The following DHX38 variants were observed in gnomAD, a reference collection of about 807,000 sequenced individuals.
DHX38 encodes DEAH-box helicase 38, also known as pre-mRNA-splicing factor ATP-dependent RNA helicase PRP16.
A neutral mutation model predicts 153.1 loss-of-function variants in DHX38; 100 were observed. That is an observed-to-expected ratio of 0.65 (90% CI 0.56 to 0.77). The LOEUF (loss-of-function observed/expected upper bound fraction) is 0.77, where lower values mean the gene tolerates loss of function less well. DHX38 is among the 30% of genes least tolerant of loss of function. The pLI is 0.00. For missense variants in DHX38, 1,440 were observed against 1,654.0 expected, an observed-to-expected ratio of 0.87 and a Z score of 2.24; for synonymous variants, 650 against 631.7, an observed-to-expected ratio of 1.03 and a Z score of -0.43.
At chr16:72,102,871 G>A (rs1194880250) in intron 11 of DHX38, among the ~76,000 whole-genome samples, 1 of 152,222 alleles carries the variant, frequency 6.6e-6, no homozygotes, top group Non-Finnish European at 1.5e-5. Context: ...CTGTGGTGTC[G>A]AGTGTGTTGT....
At chr16:72,102,941 T>C (rs1835528678) in intron 11 of DHX38, 133 bp from the exon 12 acceptor site, 3 of 1,285,954 alleles carry the variant, frequency 2.3e-6, no homozygotes, top group Admixed American at 4.4e-5. Context: ...CATCTCAGAT[T>C]CCCTGGCTGC....
At chr16:72,096,656 C>T (rs1274485105) in intron 2 of DHX38, among the ~76,000 whole-genome samples, 166 bp from the exon 3 acceptor site, 3 of 152,146 alleles carry the variant, frequency 2.0e-5, no homozygotes, top group Non-Finnish European at 2.9e-5. Flanking sequence ...TGAATAAAGA[C>T]GAGATGGTAG....
At position 72,112,717 on chromosome 16, in the gene DHX38, C is replaced by T. The variant is rs555107974; in HGVS notation, c.*220C>T. On this transcript the variant is annotated 3_prime_UTR_variant, in exon 27 of 27. Coordinates refer to ENST00000268482, the MANE Select transcript of DHX38 (RefSeq NM_014003.4). ...GGCGGGAGCGGGGCTGCAGAGTATC[C>T]GAGGTGCTGCCGGGGCAGCGGGAGG... is the stretch of plus-strand genomic sequence containing the variant. 7.8e-4 allele frequency: 551 copies of T among 708,666 alleles called. No homozygotes were observed. Among genetic ancestry groups the T allele is most frequent in the Admixed American group, 1.3e-3 (65 of 50,012 alleles). The allele number at this position is 708,666 out of a possible 1,614,324, so 43.9% of individuals were successfully genotyped here.
At chr16:72,101,651 A>C in intron 11 of DHX38, 39 bp downstream of exon 11, 4 of 1,527,720 alleles carry the variant, frequency 2.6e-6, no homozygotes, top group Non-Finnish European at 3.6e-6. Flanking sequence ...GCCTTGCTCC[A>C]AAGATGGGGG....
rs1045712553 is a variant in DHX38 at position 72,109,309 on chromosome 16, A to T, written c.3382-106A>T. Reference sequence around the variant, plus strand: ...TTTCCTTTCCTTTTTTCAGCCTTGCAGGGCCAGGGATTGGGCCCTTCCCAT... The same window carrying T: ...TTTCCTTTCCTTTTTTCAGCCTTGCTGGGCCAGGGATTGGGCCCTTCCCAT... On this transcript the variant is annotated intron_variant, in intron 24 of 26. Transcript: ENST00000268482. 6.4e-6 allele frequency: 8 copies of T among 1,258,914 alleles called. No homozygotes were observed. The Admixed American group carries it at 2.0e-4, about 31-fold the overall frequency. 78.0% of individuals were successfully genotyped at this position (1,258,914 alleles called of 1,614,324 possible). A position where few individuals can be genotyped will look rare whatever the true frequency, so the allele number is the denominator to read the frequency against.
At position 72,108,805 on chromosome 16, in the gene DHX38, C is replaced by A; in HGVS notation, c.3261C>A (p.Ile1087=). ...YFHQAAKLKG[I]GEYVNIRTGM... ...CTGTTGTGTCTCCTCCCTAGGGAATCGGGGAGTACGTGAACATCCGCACAG... is the reference window on the plus strand; with the variant it reads ...CTGTTGTGTCTCCTCCCTAGGGAATAGGGGAGTACGTGAACATCCGCACAG... The change falls in exon 24 of 27, where the codon ATC becomes ATA. Residue 1087 remains isoleucine (I), a synonymous_variant. Coordinates refer to ENST00000268482, the MANE Select transcript of DHX38 (RefSeq NM_014003.4). 4 of 1,612,670 alleles carry A rather than the reference C, an allele frequency of 2.5e-6. No individual in the cohort carries two copies. The highest frequency in any genetic ancestry group is 3.4e-6 in the Non-Finnish European group (4 of 1,179,442).
chr16:72,098,950 A>G lies in DHX38; in HGVS notation c.788A>G (p.Asp263Gly). 1 of 1,614,150 alleles carries G rather than the reference A, an allele frequency of 6.2e-7. No homozygotes were observed. Among genetic ancestry groups the G allele is most frequent in the Non-Finnish European group, 8.5e-7 (1 of 1,180,046 alleles). The change falls in exon 6 of 27, where the codon GAT (aspartate) becomes GGT (glycine). Residue 263 changes from aspartate (D) to glycine (G), a missense_variant. By Grantham distance (94) the Asp-to-Gly change is moderately conservative. Transcript: ENST00000268482. ...AGGTCTGTGAGGGGCAAGTACTCGG[A>G]TGACACGCCTCTGCCAACTCCCTCC... ...RDRSVRGKYS[D>G]DTPLPTPSYK...
At position 72,099,090 on chromosome 16, in the gene DHX38, C is replaced by G. The variant is rs750236128; in HGVS notation, c.883+45C>G. 11 of 1,609,362 alleles carry G rather than the reference C, an allele frequency of 6.8e-6. No homozygotes were observed. In the Admixed American group the frequency reaches 1.7e-4, roughly 24 times the overall value. On this transcript the variant is annotated intron_variant, in intron 6 of 26. Coordinates refer to ENST00000268482, the MANE Select transcript of DHX38 (RefSeq NM_014003.4). Reference sequence around the variant, plus strand: ...AGGCAGAAGAGCAGGCTTGCTTGCCCTAGCGAGGATGAGCAGGGGCTGCCC... The same window carrying G: ...AGGCAGAAGAGCAGGCTTGCTTGCCGTAGCGAGGATGAGCAGGGGCTGCCC...
intron 3 of DHX38, 171 bp from the exon 4 acceptor site, chr16:72,097,506 T>C (rs1597438606): frequency 1.7e-6 from 1 of 583,876 alleles, no homozygotes. Flanking sequence ...AGTAACTATT[T>C]TTCCCCCTTG....
intron 1 of DHX38, among the ~76,000 whole-genome samples, chr16:72,095,180 G>A (rs748166388): frequency 6.6e-6 from 1 of 152,240 alleles, no homozygotes; most frequent in Non-Finnish European, 1.5e-5. Flanking sequence ...GATATATGTT[G>A]ATGAGTGGCA....
chr16:72,108,894 T>C lies in DHX38; in HGVS notation c.3350T>C (p.Ile1117Thr), dbSNP rs777611548. The change falls in exon 24 of 27, where the codon ATA (isoleucine) becomes ACA (threonine). Residue 1117 changes from isoleucine to threonine, a missense_variant. Physicochemically the swap from Ile to Thr is moderately conservative, Grantham distance 89 (BLOSUM62 -1). Around this residue, in one of 6 missense-constraint regions of DHX38, gnomAD observed 543 missense variants for 717.9 expected, o/e 0.76. Transcript: ENST00000268482. ...LFGMGYTPDY[I>T]VYHELVMTTK... ...GGAATGGGCTACACCCCAGATTACA[T>C]AGTGTATCACGAGTTGGTCATGACC... 1 of 1,612,934 alleles carries C rather than the reference T, an allele frequency of 6.2e-7. No homozygotes were observed. The highest frequency in any genetic ancestry group is 1.1e-5 in the South Asian group (1 of 90,854).
chr16:72,101,007 C>G (rs763085032), intron 9 of DHX38, 79 bp from the exon 10 acceptor site: 406 of 1,397,984 alleles, frequency 2.9e-4, no homozygotes, highest in Non-Finnish European at 3.8e-4. Flanking sequence ...GTAGCAGTCC[C>G]TTTCACAAGT....
rs982255814 is a variant in DHX38, at chr16:72,094,019, G to A, written c.-52G>A. 9 of 152,534 alleles carry A rather than the reference G, an allele frequency of 5.9e-5. No individual in the cohort carries two copies. The highest frequency in any genetic ancestry group is 5.2e-4 in the Admixed American group (8 of 15,286). The allele number at this position is 152,534 out of a possible 1,614,324, so 9.4% of individuals were successfully genotyped here. ...GCAGCGCCGGCGCCCCAGAATCCGGGACAGAAGGGTCCCAAGAGTCGCGCT... is the reference window on the plus strand; with the variant it reads ...GCAGCGCCGGCGCCCCAGAATCCGGAACAGAAGGGTCCCAAGAGTCGCGCT... On this transcript the variant is annotated 5_prime_UTR_variant, in exon 1 of 27. Coordinates refer to ENST00000268482, the MANE Select transcript of DHX38 (RefSeq NM_014003.4).
At chr16:72,101,702 C>A in intron 11 of DHX38, 90 bp downstream of exon 11, 1 of 1,026,888 alleles carries the variant, frequency 9.7e-7, no homozygotes, top group Non-Finnish European at 1.5e-6. Context: ...GACTTTGTGG[C>A]TCCTGAGTGG....
intron 12 of DHX38, 144 bp from the exon 13 acceptor site, chr16:72,103,458 T>C (rs912940059): frequency 2.0e-6 from 2 of 1,004,938 alleles, no homozygotes; most frequent in East Asian, 2.6e-5. Context: ...TAAGAGGCTG[T>C]TGTCCCAGTG....
chr16:72,109,169 G>A (rs950056479), intron 24 of DHX38, among the ~76,000 whole-genome samples: 1 of 152,216 alleles, frequency 6.6e-6, no homozygotes, highest in Non-Finnish European at 1.5e-5. Flanking sequence ...TGCTTGGGAT[G>A]AGCAACCCCT....
intron 25 of DHX38, 43 bp downstream of exon 25, chr16:72,109,553 G>A (rs1384196960): frequency 8.9e-6 from 14 of 1,575,060 alleles, no homozygotes; most frequent in Non-Finnish European, 1.1e-5. Flanking sequence ...TTTGCCTGTG[G>A]GGTCGGTGTT....
Position 72,107,450 on chromosome 16 carries a change from A to G in DHX38, c.2711A>G (p.Gln904Arg). The change falls in exon 20 of 27, where the codon CAG becomes CGG. Residue 904 changes from glutamine to arginine, a missense_variant. Coordinates refer to ENST00000268482, the MANE Select transcript of DHX38 (RefSeq NM_014003.4). This position sits in a 1 kb window ranked among gnomAD's most constrained non-coding sequence, Gnocchi z 5.3. ...VVLLLKSLGV[Q>R]DLLQFHFMDP... ...CTGCTGCTCAAGTCCCTCGGGGTGC[A>G]GGACCTGCTGCAGTTCCACTTCATG... is the stretch of plus-strand genomic sequence containing the variant. The G allele has an allele frequency of 6.2e-7, 1 of 1,614,184 alleles. No homozygotes were observed. The highest frequency in any genetic ancestry group is 8.5e-7 in the Non-Finnish European group (1 of 1,180,026).
chr16:72,108,556 C>G lies in DHX38; in HGVS notation c.3204C>G (p.Ile1068Met). Residue 1068 changes from isoleucine (I) to methionine (M), a missense_variant, in exon 23 of 27, where the codon ATC becomes ATG. This residue lies in a region of DHX38 where 543 missense variants were observed against 717.9 expected (regional missense o/e 0.76). Coordinates refer to ENST00000268482, the MANE Select transcript of DHX38 (RefSeq NM_014003.4). Reference sequence around the variant, plus strand: ...CCTCGTGTGGCACTGACTGGGACATCGTCAGGAAGTGCATCTGTGCTGCCT... The same window carrying G: ...CCTCGTGTGGCACTGACTGGGACATGGTCAGGAAGTGCATCTGTGCTGCCT... The part of the protein sequence containing the change: ...SLASCGTDWD[I>M]VRKCICAAYF... The G allele has an allele frequency of 6.2e-7, 1 of 1,614,144 alleles. No individual in the cohort carries two copies. Among genetic ancestry groups the G allele is most frequent in the South Asian group, 1.1e-5 (1 of 91,084 alleles).
Sources: gnomAD v4.1 joint callset for allele counts (sites outside exome capture counted in the v4.1 genomes callset) on GRCh38, gnomAD v4.1.1 for gene constraint, gnomAD v4.1.1 regional missense constraint, Gnocchi (gnomAD v3.1) non-coding constraint, MANE v1.5 for transcripts, NCBI Gene and HGNC (gene_info 2026-07-23, HGNC 2026-07-21) for gene names.